CDCA4: variants seen among roughly 807,000 people sequenced by gnomAD.
CDCA4 encodes cell division cycle associated 4.
For synonymous variants in CDCA4, 130 were observed against 137.0 expected, an observed-to-expected ratio of 0.95 and a Z score of 0.36; for missense variants, 294 against 322.1, an observed-to-expected ratio of 0.91 and a Z score of 0.67.
intron 1 of CDCA4, among the ~76,000 whole-genome samples, chr14:105,016,636 C>T (rs928861026): frequency 1.3e-5 from 2 of 152,224 alleles, no homozygotes; most frequent in African/African-American, 4.8e-5. Context: ...TGTGTTCCTA[C>T]CCTGTTCCAC....
At chr14:105,018,163 T>G (rs1886135957) in intron 1 of CDCA4, among the ~76,000 whole-genome samples, 1 of 150,638 alleles carries the variant, frequency 6.6e-6, no homozygotes, top group Non-Finnish European at 1.5e-5. Context: ...CTTGTAGGAC[T>G]TGTGTAACCC....
In CDCA4 at chr14:105,010,950, G is replaced by GGGGCC. The variant is rs1230657817; in HGVS notation, c.*249_*253dup. On this transcript the variant is annotated 3_prime_UTR_variant, in exon 2 of 2. Coordinates refer to ENST00000336219, the MANE Select transcript of CDCA4 (RefSeq NM_017955.4). ...CAGTGGGGGACACAAAGAGACACGA[G>GGGGCC]GGGCCCAGGGCTGTGGGGACGTCAG... The GGGGCC allele has an allele frequency of 7.6e-6, 4 of 529,304 alleles. No individual in the cohort carries two copies. In the African/African-American group the frequency reaches 7.6e-5, roughly 10 times the overall value. The allele number at this position is 529,304 out of a possible 1,614,324, so 32.8% of individuals were successfully genotyped here. A position where few individuals can be genotyped will look rare whatever the true frequency, so the allele number is the denominator to read the frequency against.
chr14:105,014,414 T>G (rs1157374716), intron 1 of CDCA4, among the ~76,000 whole-genome samples: 1 of 152,086 alleles, frequency 6.6e-6, no homozygotes, highest in Non-Finnish European at 1.5e-5. Context: ...AAAGGAAAAC[T>G]TCCCTAACCC....
intron 1 of CDCA4, among the ~76,000 whole-genome samples, chr14:105,015,024 A>G (rs918459730): frequency 6.6e-6 from 1 of 152,170 alleles, no homozygotes; most frequent in African/African-American, 2.4e-5. Context: ...AATCAGGGCA[A>G]CTCACAGAAG....
chr14:105,011,921 T>C lies in CDCA4; in HGVS notation c.9A>G (p.Ala3=). The C allele has an allele frequency of 6.2e-7, 1 of 1,607,264 alleles. No homozygotes were observed. ...CAACACATTTCCTCTTCAGTCCTCG[T>C]GCAAACATTGTGTCCTGCAGAAACC... The part of the protein sequence containing the change: MF[A]RGLKRKCVGH... The change falls in exon 2 of 2, where the codon GCA becomes GCG. Residue 3 remains alanine (A), a synonymous_variant. Transcript: ENST00000336219.
intron 1 of CDCA4, among the ~76,000 whole-genome samples, chr14:105,016,741 T>G (rs1184216275): frequency 6.6e-6 from 1 of 152,210 alleles, no homozygotes; most frequent in Non-Finnish European, 1.5e-5. Context: ...CCCAACAATG[T>G]GGCATAAATG....
At position 105,017,169 on chromosome 14, in the gene CDCA4, G is replaced by A. The variant is rs535749455; in HGVS notation, c.-7+3830C>T. 7.7e-4 allele frequency among the ~76,000 whole-genome samples: 117 copies of A among 152,224 alleles called. 2 individuals carry two copies. The highest frequency in any genetic ancestry group is 5.9e-5 in the Non-Finnish European group (4 of 68,004). On this transcript the variant is annotated intron_variant, in intron 1 of 1. Transcript: ENST00000336219. Reference sequence around the variant, plus strand: ...TGTGAGCCTCCAGAGAGGCTCCTGGGGAGGTGGGGGGCGGTCCTTGGCCTA... The same window carrying A: ...TGTGAGCCTCCAGAGAGGCTCCTGGAGAGGTGGGGGGCGGTCCTTGGCCTA...
chr14:105,014,142 G>A (rs1900581882), intron 1 of CDCA4, among the ~76,000 whole-genome samples: 1 of 152,146 alleles, frequency 6.6e-6, no homozygotes, highest in African/African-American at 2.4e-5. Context: ...GGGGTGGCAG[G>A]GCTAGAAAGG....
chr14:105,016,247 GA>G (rs1445710997), intron 1 of CDCA4, among the ~76,000 whole-genome samples: 1 of 152,182 alleles, frequency 6.6e-6, no homozygotes, highest in Non-Finnish European at 1.5e-5. Flanking sequence ...CATCCACTCA[GA>G]AAAACACAGT....
chr14:105,019,371 A>G (rs1166866208), intron 1 of CDCA4, among the ~76,000 whole-genome samples: 1 of 152,214 alleles, frequency 6.6e-6, no homozygotes, highest in African/African-American at 2.4e-5. Context: ...AGCAGTGGCC[A>G]CACCTTCGTG....
chr14:105,018,593 C>T (rs531441684), intron 1 of CDCA4, among the ~76,000 whole-genome samples: 1 of 152,216 alleles, frequency 6.6e-6, no homozygotes, highest in South Asian at 2.1e-4. Flanking sequence ...TCTTAACCAG[C>T]CCCGAGGGAT....
chr14:105,020,345 G>C (rs1886195300), intron 1 of CDCA4, among the ~76,000 whole-genome samples: 1 of 152,244 alleles, frequency 6.6e-6, no homozygotes, highest in Non-Finnish European at 1.5e-5. Flanking sequence ...GGAGAAGCGA[G>C]GCAGCGGAGA....
chr14:105,014,692 T>C (rs1900596623), intron 1 of CDCA4, among the ~76,000 whole-genome samples: 1 of 152,246 alleles, frequency 6.6e-6, no homozygotes. Flanking sequence ...TTAAAATTGC[T>C]AAGTATATCG....
At chr14:105,013,189 C>G (rs1900552471) in intron 1 of CDCA4, among the ~76,000 whole-genome samples, 1 of 151,954 alleles carries the variant, frequency 6.6e-6, no homozygotes, top group South Asian at 2.1e-4. Context: ...AAGTACAAGT[C>G]TGTGCAAACT....
At chr14:105,016,300 T>C (rs1444726244) in intron 1 of CDCA4, among the ~76,000 whole-genome samples, 1 of 152,214 alleles carries the variant, frequency 6.6e-6, no homozygotes, top group Non-Finnish European at 1.5e-5. Flanking sequence ...CTCCCAGCAC[T>C]TTCCTCTCTG....
chr14:105,019,436 T>C (rs558142521), intron 1 of CDCA4, among the ~76,000 whole-genome samples: 1 of 152,208 alleles, frequency 6.6e-6, no homozygotes, highest in Non-Finnish European at 1.5e-5. Flanking sequence ...TTCTGATCAG[T>C]AGGGCTGGGA....
chr14:105,017,775 G>A (rs1886121022), intron 1 of CDCA4, among the ~76,000 whole-genome samples: 2 of 151,902 alleles, frequency 1.3e-5, no homozygotes, highest in South Asian at 4.2e-4. Context: ...AGGTTGCAGT[G>A]AGCAGAGATT....
rs1193279242 is a variant in CDCA4, at chr14:105,010,154, C to T, written c.*1050G>A. The T allele has an allele frequency of 2.0e-5, 3 of 152,682 alleles. No homozygotes were observed. Among genetic ancestry groups the T allele is most frequent in the Non-Finnish European group, 2.9e-5 (2 of 68,056 alleles). 9.5% of individuals were successfully genotyped at this position (152,682 alleles called of 1,614,324 possible). On this transcript the variant is annotated 3_prime_UTR_variant, in exon 2 of 2. Transcript: ENST00000336219. ...GCCTGCGGCAGCACCCATGACACTA[C>T]AGATCAAGGGGTTATGAATGACATG...
intron 1 of CDCA4, among the ~76,000 whole-genome samples, chr14:105,013,558 G>A (rs1900559858): frequency 6.6e-6 from 1 of 152,174 alleles, no homozygotes; most frequent in South Asian, 2.1e-4. Flanking sequence ...ATACCCAGGT[G>A]CTCTTGGAAA....
Sources: gnomAD v4.1 joint callset for allele counts (sites outside exome capture counted in the v4.1 genomes callset) on GRCh38, gnomAD v4.1.1 for gene constraint, MANE v1.5 for transcripts, NCBI Gene and HGNC (gene_info 2026-07-23, HGNC 2026-07-21) for gene names.